Variants in MDH1 observed in about 807,000 individuals in gnomAD.
MDH1 encodes malate dehydrogenase 1.
In MDH1, 15 loss-of-function variants were observed where a neutral mutation model predicts 38.7. The ratio of observed to expected loss-of-function variants is 0.39; its 90% CI spans 0.26 to 0.60. MDH1 has a LOEUF of 0.60. Among genes scored for constraint, MDH1 ranks in the 20% least tolerant of loss-of-function variants. The probability of loss-of-function intolerance (pLI) is 0.56; values close to 1 mark genes in which losing one functional copy is unlikely to be tolerated. For synonymous variants in MDH1, 144 were observed against 143.6 expected, an observed-to-expected ratio of 1.00 and a Z score of -0.02; for missense variants, 368 against 405.2, an observed-to-expected ratio of 0.91 and a Z score of 0.79.
Position 63,606,047 on chromosome 2 carries a change from AT to A in MDH1, c.879+22del, listed in dbSNP as rs1280226477. 1.9e-6 allele frequency: 3 copies of A among 1,597,084 alleles called. No homozygotes were observed. Among genetic ancestry groups the A allele is most frequent in the Admixed American group, 3.3e-5 (2 of 59,980 alleles). On this transcript the variant is annotated intron_variant, in intron 8 of 8. Coordinates refer to ENST00000233114, the MANE Select transcript of MDH1 (RefSeq NM_005917.4). ...AATCAAGGTAAGGTATTTTGGAGCT[AT>A]TTCCCTTCTTTGAGGAAGTAGTTAT... is the stretch of plus-strand genomic sequence containing the variant.
At position 63,605,371 on chromosome 2, in the gene MDH1, A is replaced by G; in HGVS notation, c.767A>G (p.Asp256Gly). The G allele has an allele frequency of 6.2e-7, 1 of 1,614,102 alleles. No individual in the cohort carries two copies. Among genetic ancestry groups the G allele is most frequent in the Non-Finnish European group, 8.5e-7 (1 of 1,179,916 alleles). The change falls in exon 7 of 9, where the codon GAC becomes GGC. Residue 256 changes from aspartate to glycine, a missense_variant. Transcript: ENST00000233114. ...AAKAICDHVR[D>G]IWFGTPEGEF... is the part of the protein sequence containing the mutation. ...AAAGCCATCTGTGACCACGTCAGGG[A>G]CATCTGGTTTGGAACCCCAGAGGTA... is the stretch of plus-strand genomic sequence containing the variant.
rs1558864281 is a variant in MDH1, at chr2:63,606,047, A to G, written c.879+19A>G. The stretch of plus-strand genomic sequence containing the variant: ...AATCAAGGTAAGGTATTTTGGAGCT[A>G]TTTCCCTTCTTTGAGGAAGTAGTTA... On this transcript the variant is annotated intron_variant, in intron 8 of 8. Transcript: ENST00000233114. 6.3e-7 allele frequency: 1 copy of G among 1,597,204 alleles called. No individual in the cohort carries two copies. The highest frequency in any genetic ancestry group is 8.6e-7 in the Non-Finnish European group (1 of 1,164,684).
At chr2:63,589,967 G>A (rs1008422520) in intron 1 of MDH1, 2 of 154,330 alleles carry the variant, frequency 1.3e-5, no homozygotes, top group African/African-American at 4.8e-5. Flanking sequence ...GGAGAATGTG[G>A]AGAAATGTTT....
chr2:63,595,051 TG>T (rs1709278880), intron 2 of MDH1: 1 of 308,036 alleles, frequency 3.2e-6, no homozygotes, highest in Non-Finnish European at 6.1e-6. Flanking sequence ...TCTTGACCCA[TG>T]GATACTGAAT....
intron 1 of MDH1, among the ~76,000 whole-genome samples, chr2:63,591,922 T>C (rs1458339332): frequency 2.6e-5 from 4 of 152,180 alleles, no homozygotes; most frequent in Non-Finnish European, 5.9e-5. Flanking sequence ...TTATCTCCAT[T>C]TTACTATGGG....
intron 1 of MDH1, among the ~76,000 whole-genome samples, chr2:63,591,570 A>G (rs1349096213): frequency 2.0e-5 from 3 of 152,224 alleles, no homozygotes; most frequent in Non-Finnish European, 4.4e-5. Flanking sequence ...GTTAAACTTA[A>G]TAGATAGTGA....
intron 3 of MDH1, among the ~76,000 whole-genome samples, chr2:63,596,969 A>G (rs898086499): frequency 4.6e-5 from 7 of 152,010 alleles, no homozygotes; most frequent in African/African-American, 1.7e-4. Flanking sequence ...CTGGCACAAA[A>G]CTCCTCAATA....
chr2:63,593,427 TGA>T, intron 1 of MDH1: 1 of 369,040 alleles, frequency 2.7e-6, no homozygotes, highest in Non-Finnish European at 5.6e-6. Context: ...TTTTTTTCTT[TGA>T]CTTCTATGAG....
In MDH1 at chr2:63,597,490, G is replaced by T. The variant is rs767517310; in HGVS notation, c.291G>T (p.Glu97Asp). The T allele has an allele frequency of 5.9e-6, 9 of 1,526,392 alleles. No individual in the cohort carries two copies. The Admixed American group carries it at 1.6e-4, about 27-fold the overall frequency. 94.6% of individuals were successfully genotyped at this position (1,526,392 alleles called of 1,614,324 possible). The change falls in exon 4 of 9, where the codon GAG becomes GAT. Residue 97 changes from glutamate (E) to aspartate (D), a missense_variant. Transcript: ENST00000233114. ...CCATGCCAAGAAGGGAAGGCATGGAGAGAAAAGATTTACTGAAAGCAAATG... is the reference window on the plus strand; with the variant it reads ...CCATGCCAAGAAGGGAAGGCATGGATAGAAAAGATTTACTGAAAGCAAATG... ...VGSMPRREGM[E>D]RKDLLKANVK...
At chr2:63,591,082 A>G (rs539584816) in intron 1 of MDH1, 3 of 152,354 alleles carry the variant, frequency 2.0e-5, no homozygotes, top group Admixed American at 6.5e-5. Flanking sequence ...ACTTAAATTC[A>G]ATCTTTATAG....
At chr2:63,592,971 G>A (rs1318956173) in intron 1 of MDH1, among the ~76,000 whole-genome samples, 1 of 151,776 alleles carries the variant, frequency 6.6e-6, no homozygotes, top group South Asian at 2.1e-4. Context: ...AATGAAAAAC[G>A]TGTAGGCCAT....
intron 3 of MDH1, among the ~76,000 whole-genome samples, chr2:63,596,826 G>C (rs2106610207): frequency 6.6e-6 from 1 of 152,252 alleles, no homozygotes; most frequent in Non-Finnish European, 1.5e-5. Flanking sequence ...GTTGAACTCT[G>C]GACCAACCTA....
At chr2:63,605,169 G>T (rs562630425) in intron 6 of MDH1, 111 bp from the exon 7 acceptor site, 2 of 722,348 alleles carry the variant, frequency 2.8e-6, no homozygotes, top group Non-Finnish European at 4.7e-6. Context: ...TTTTGGAGGG[G>T]AAACATTAAG....
At chr2:63,600,712 C>T (rs1246669093) in intron 5 of MDH1, among the ~76,000 whole-genome samples, 3 of 152,052 alleles carry the variant, frequency 2.0e-5, no homozygotes, top group South Asian at 4.1e-4. Flanking sequence ...AAATTTTTAG[C>T]TTAAAGTGCA....
At chr2:63,606,658 GT>G (rs796718833) in intron 8 of MDH1, among the ~76,000 whole-genome samples, 109 of 145,048 alleles carry the variant, frequency 7.5e-4, no homozygotes, top group East Asian at 6.6e-3. Context: ...CATTTTTGAA[GT>G]TTTTTTTTTT....
intron 4 of MDH1, chr2:63,597,904 T>C (rs569468235): frequency 7.8e-4 from 127 of 162,228 alleles, no homozygotes; most frequent in Non-Finnish European, 1.4e-3. Context: ...TAAATTTGTG[T>C]GTGATTGTGA....
At chr2:63,595,696 T>G (rs1709296959) in intron 3 of MDH1, among the ~76,000 whole-genome samples, 177 bp downstream of exon 3, 1 of 152,194 alleles carries the variant, frequency 6.6e-6, no homozygotes, top group South Asian at 2.1e-4. Flanking sequence ...GGGTAAGAAA[T>G]GAGCAACAAT....
intron 5 of MDH1, among the ~76,000 whole-genome samples, chr2:63,602,934 CTTTTTTTTTTTTTTT>C (rs370479356): frequency 2.3e-5 from 3 of 131,616 alleles, no homozygotes; most frequent in Admixed American, 1.5e-4. Flanking sequence ...TTTAACCGTT[CTTTTTTTTTTTTTTT>C]TTTTTTTTTT....
intron 5 of MDH1, among the ~76,000 whole-genome samples, chr2:63,602,934 C>CTTTTTTTTTTTTTTTTTTTT (rs370479356): frequency 3.0e-5 from 4 of 131,620 alleles, no homozygotes; most frequent in African/African-American, 8.1e-5. Context: ...TTTAACCGTT[C>CTTTTTTTTTTTTTTTTTTTT]TTTTTTTTTT....
Sources: gnomAD v4.1 joint callset for allele counts (sites outside exome capture counted in the v4.1 genomes callset) on GRCh38, gnomAD v4.1.1 for gene constraint, MANE v1.5 for transcripts, NCBI Gene and HGNC (gene_info 2026-07-23, HGNC 2026-07-21) for gene names.